Variants in PRKG2 observed in about 807,000 individuals in gnomAD.
The protein encoded by PRKG2 is cGMP-dependent protein kinase 2.
PRKG2 carries 33 observed loss-of-function variants against 97.2 expected under a neutral mutation model. The observed-to-expected ratio is 0.34, with a 90% CI of 0.26 to 0.45. The LOEUF is 0.45. PRKG2 is among the 20% of genes least tolerant of loss of function. PRKG2 has a pLI of 1.00. For missense variants in PRKG2, 638 were observed against 900.0 expected (o/e 0.71, Z 3.73); for synonymous variants, 330 against 321.8 (o/e 1.03, Z -0.27).
chr4:81,110,225 C>T (rs1438539331), intron 15 of PRKG2, among the ~76,000 whole-genome samples: 1 of 152,168 alleles, frequency 6.6e-6, no homozygotes, highest in Non-Finnish European at 1.5e-5. Context: ...AGGTAAACCA[C>T]AGCAATTCTA....
intron 17 of PRKG2, among the ~76,000 whole-genome samples, chr4:81,096,553 TA>T (rs1242495676): frequency 6.6e-6 from 1 of 151,782 alleles, no homozygotes; most frequent in Non-Finnish European, 1.5e-5. Context: ...ATCAAATAAA[TA>T]AATAAATTGA....
chr4:81,112,375 G>A (rs926517496), intron 14 of PRKG2, among the ~76,000 whole-genome samples: 3 of 152,134 alleles, frequency 2.0e-5, no homozygotes, highest in Admixed American at 2.0e-4. Flanking sequence ...ATTTTATAAA[G>A]ACTGAAATTT....
intron 6 of PRKG2, chr4:81,165,056 C>A (rs776061780): frequency 6.6e-6 from 1 of 152,138 alleles, no homozygotes; most frequent in African/African-American, 2.4e-5. Context: ...CGTTCTGAAT[C>A]TATATCATGC....
chr4:81,148,390 C>T (rs1233067496), intron 9 of PRKG2, among the ~76,000 whole-genome samples: 1 of 152,048 alleles, frequency 6.6e-6, no homozygotes, highest in East Asian at 1.9e-4. Context: ...TAACCTAAGA[C>T]ATTTAGAGAT....
intron 6 of PRKG2, 113 bp downstream of exon 6, chr4:81,167,048 T>C: frequency 2.7e-6 from 2 of 733,506 alleles, no homozygotes; most frequent in Non-Finnish European, 4.3e-6. Context: ...AAAAGGCTCT[T>C]GGTCTCTGTA....
chr4:81,180,601 T>G (rs1751320115), intron 2 of PRKG2, among the ~76,000 whole-genome samples: 2 of 152,154 alleles, frequency 1.3e-5, no homozygotes, highest in African/African-American at 4.8e-5. Flanking sequence ...ATCCACTTAA[T>G]ATGACAGTAT....
intron 14 of PRKG2, among the ~76,000 whole-genome samples, chr4:81,124,581 G>A (rs949057344): frequency 2.6e-5 from 4 of 152,126 alleles, no homozygotes; most frequent in African/African-American, 9.7e-5. Context: ...TATTCAATCA[G>A]TCCCAGGAAG....
chr4:81,132,861 T>A (rs923725335), intron 14 of PRKG2, among the ~76,000 whole-genome samples: 2 of 152,190 alleles, frequency 1.3e-5, no homozygotes, highest in Admixed American at 6.5e-5. Context: ...TTAAAACATA[T>A]TAGATGTATT....
chr4:81,211,579 A>C (rs1578533658), intron 1 of PRKG2, among the ~76,000 whole-genome samples: 1 of 152,214 alleles, frequency 6.6e-6, no homozygotes, highest in African/African-American at 2.4e-5. Context: ...TTAGGAAAAT[A>C]ATATTCTCAT....
chr4:81,103,975 G>C (rs929155017), intron 17 of PRKG2, among the ~76,000 whole-genome samples: 1 of 152,128 alleles, frequency 6.6e-6, no homozygotes, highest in African/African-American at 2.4e-5. Flanking sequence ...AGATTGCAAT[G>C]AGCCAAGATC....
intron 6 of PRKG2, among the ~76,000 whole-genome samples, chr4:81,154,788 C>T (rs1015501879): frequency 6.6e-6 from 1 of 152,080 alleles, no homozygotes; most frequent in Non-Finnish European, 1.5e-5. Context: ...TGACGAGCTG[C>T]GAGAAGAAGG....
intron 2 of PRKG2, among the ~76,000 whole-genome samples, chr4:81,187,978 T>C (rs1560614611): frequency 6.6e-6 from 1 of 152,092 alleles, no homozygotes; most frequent in Non-Finnish European, 1.5e-5. Context: ...ACTTCATGTC[T>C]AAAACACCAA....
At chr4:81,099,740 G>C (rs556579751) in intron 17 of PRKG2, among the ~76,000 whole-genome samples, 4 of 152,190 alleles carry the variant, frequency 2.6e-5, no homozygotes, top group Non-Finnish European at 4.4e-5. Context: ...AGGAAATAAA[G>C]GGTATTCAAT....
At chr4:81,210,434 A>C (rs897011833) in intron 1 of PRKG2, among the ~76,000 whole-genome samples, 1 of 152,142 alleles carries the variant, frequency 6.6e-6, no homozygotes, top group East Asian at 1.9e-4. Flanking sequence ...CAGTTGATAA[A>C]TAAGCATATA....
chr4:81,174,802 C>T lies in PRKG2; in HGVS notation c.619G>A (p.Val207Met). 1 of 1,609,368 alleles carries T rather than the reference C, an allele frequency of 6.2e-7. No homozygotes were observed. The highest frequency in any genetic ancestry group is 8.5e-7 in the Non-Finnish European group (1 of 1,178,014). Reference sequence around the variant, plus strand: ...AATCTGTGAAACCCACCTGCCAGCACAAAGATATGGTTTCCTGGTTCTCCT... The same window carrying T: ...AATCTGTGAAACCCACCTGCCAGCATAAAGATATGGTTTCCTGGTTCTCCT... ...KQGEPGNHIFVLAEGRLEVFQ... is the reference protein window; with the variant it reads ...KQGEPGNHIFMLAEGRLEVFQ... The change falls in exon 3 of 19, where the codon GTG becomes ATG. Residue 207 changes from valine to methionine, a missense_variant. By Grantham distance (21) the Val-to-Met change is conservative. Transcript: ENST00000264399.
intron 9 of PRKG2, 102 bp from the exon 10 acceptor site, chr4:81,144,432 T>C (rs111906203): frequency 1.2e-6 from 1 of 848,982 alleles, no homozygotes. Context: ...TTCCTGACTT[T>C]ATAAATCATT....
At chr4:81,168,585 G>C (rs748483819) in intron 5 of PRKG2, among the ~76,000 whole-genome samples, 2 of 152,014 alleles carry the variant, frequency 1.3e-5, no homozygotes, top group Non-Finnish European at 2.9e-5. Flanking sequence ...GCTAACCTAT[G>C]TTGCTCAGTT....
intron 14 of PRKG2, among the ~76,000 whole-genome samples, chr4:81,116,053 T>C (rs147002085): frequency 0.015 from 2,224 of 152,280 alleles, 22 homozygotes; most frequent in Middle Eastern, 0.044. Flanking sequence ...TTATTTTAGG[T>C]CCATGTATAC....
rs1175740959 is a variant in PRKG2, at chr4:81,089,533, A to C, written c.*175T>G. 1 of 495,800 alleles carries C rather than the reference A, an allele frequency of 2.0e-6. No homozygotes were observed. Among genetic ancestry groups the C allele is most frequent in the African/African-American group, 2.0e-5 (1 of 50,756 alleles). 30.7% of individuals were successfully genotyped at this position (495,800 alleles called of 1,614,324 possible). A position where few individuals can be genotyped will look rare whatever the true frequency, so the allele number is the denominator to read the frequency against. On this transcript the variant is annotated 3_prime_UTR_variant, in exon 19 of 19. Coordinates refer to ENST00000264399, the MANE Select transcript of PRKG2 (RefSeq NM_006259.3). ...ATAATTCACAGCATCTAAATAAGAC[A>C]CTATAACTCAGAACCATATCCACAC...
Sources: allele counts gnomAD v4.1 joint callset (sites outside exome capture counted in the v4.1 genomes callset), GRCh38; gene constraint gnomAD v4.1.1; transcripts MANE v1.5; gene names NCBI Gene and HGNC (gene_info 2026-07-23, HGNC 2026-07-21).